The following GALNT13 variants were observed in gnomAD, a reference collection of about 807,000 sequenced individuals.
GALNT13 encodes UDP-GalNAc:polypeptide N-acetylgalactosaminyltransferase 13.
Under a neutral mutation model 64.2 loss-of-function variants are expected in GALNT13, and 28 were observed. The ratio of observed to expected loss-of-function variants is 0.44; its 90% CI spans 0.32 to 0.60. The LOEUF (loss-of-function observed/expected upper bound fraction) is 0.60. Ranked by LOEUF, GALNT13 falls within the 20% of genes least tolerant of loss-of-function variation. GALNT13 has a pLI of 0.05. For missense variants in GALNT13, 577 were observed against 669.8 expected, an observed-to-expected ratio of 0.86 and a Z score of 1.53; for synonymous variants, 214 against 224.6, an observed-to-expected ratio of 0.95 and a Z score of 0.42.
At chr2:154,327,197 TC>T (rs1694921839) in intron 9 of GALNT13, among the ~76,000 whole-genome samples, 1 of 152,076 alleles carries the variant, frequency 6.6e-6, no homozygotes, top group South Asian at 2.1e-4. Context: ...GTTCCTTTGT[TC>T]GGCATTTCTC....
the GALNT13 span, among the ~76,000 whole-genome samples, chr2:153,434,580 G>T: frequency 6.6e-6 from 1 of 152,300 alleles, no homozygotes; most frequent in Admixed American, 6.5e-5. Context: ...CTGATGGCCA[G>T]TGATGATGAG....
chr2:153,601,652 A>G, the GALNT13 span, among the ~76,000 whole-genome samples: 1 of 151,738 alleles, frequency 6.6e-6, no homozygotes, highest in Non-Finnish European at 1.5e-5. Flanking sequence ...CATATTGTAC[A>G]ATAGGACCGC....
At chr2:153,250,046 T>C in the GALNT13 span, among the ~76,000 whole-genome samples, 1 of 152,218 alleles carries the variant, frequency 6.6e-6, no homozygotes, top group African/African-American at 2.4e-5. Flanking sequence ...TGGGATCTAA[T>C]TAAGCTAAAG....
the GALNT13 span, among the ~76,000 whole-genome samples, chr2:153,182,414 A>T: frequency 6.6e-6 from 1 of 152,192 alleles, no homozygotes; most frequent in East Asian, 1.9e-4. Flanking sequence ...ATTTTCACAG[A>T]TATGAACCAA....
intron 4 of GALNT13, among the ~76,000 whole-genome samples, chr2:154,147,205 A>G (rs1488798445): frequency 1.3e-5 from 2 of 151,792 alleles, no homozygotes; most frequent in Admixed American, 6.6e-5. Flanking sequence ...CCACCATTCT[A>G]TGTTCTGACT....
At chr2:153,565,954 G>C in the GALNT13 span, among the ~76,000 whole-genome samples, 3 of 152,042 alleles carry the variant, frequency 2.0e-5, no homozygotes, top group South Asian at 6.2e-4. Flanking sequence ...AAAATGTGTA[G>C]TGAAATAAAT....
chr2:154,065,143 G>C (rs542062747), intron 3 of GALNT13, among the ~76,000 whole-genome samples: 8 of 152,234 alleles, frequency 5.3e-5, no homozygotes, highest in South Asian at 4.1e-4. Flanking sequence ...AGACTACTTT[G>C]CTTGTTGAAA....
intron 9 of GALNT13, among the ~76,000 whole-genome samples, chr2:154,390,508 C>T (rs991557255): frequency 6.6e-6 from 1 of 152,156 alleles, no homozygotes; most frequent in Non-Finnish European, 1.5e-5. Context: ...TATTAGTTTG[C>T]TAAGGATAAT....
At chr2:153,275,273 AC>A in the GALNT13 span, among the ~76,000 whole-genome samples, 1 of 152,176 alleles carries the variant, frequency 6.6e-6, no homozygotes, top group Non-Finnish European at 1.5e-5. Flanking sequence ...TTTAATTTTA[AC>A]AATATGTTTT....
At chr2:153,192,683 G>T in the GALNT13 span, among the ~76,000 whole-genome samples, 1 of 152,116 alleles carries the variant, frequency 6.6e-6, no homozygotes, top group Admixed American at 6.6e-5. Flanking sequence ...CTCCAGTGAT[G>T]AGTGCATTTA....
At chr2:153,728,342 C>A in the GALNT13 span, among the ~76,000 whole-genome samples, 1 of 152,196 alleles carries the variant, frequency 6.6e-6, no homozygotes, top group Non-Finnish European at 1.5e-5. Flanking sequence ...AATGGTTGAA[C>A]TAATTTACAC....
chr2:153,669,792 C>G, the GALNT13 span, among the ~76,000 whole-genome samples: 2 of 152,158 alleles, frequency 1.3e-5, no homozygotes, highest in African/African-American at 4.8e-5. Flanking sequence ...GTGACCGTAC[C>G]TGGAGGAATG....
intron 11 of GALNT13, among the ~76,000 whole-genome samples, chr2:154,420,448 C>T (rs923848811): frequency 1.3e-5 from 2 of 152,074 alleles, no homozygotes; most frequent in Non-Finnish European, 2.9e-5. Flanking sequence ...TCCACCTTGT[C>T]TTCAAATAGT....
At chr2:153,491,353 T>C in the GALNT13 span, among the ~76,000 whole-genome samples, 1 of 152,076 alleles carries the variant, frequency 6.6e-6, no homozygotes, top group African/African-American at 2.4e-5. Flanking sequence ...GCTAATAACG[T>C]ACCACATTCC....
At chr2:154,020,816 G>A (rs1052379148) in intron 3 of GALNT13, among the ~76,000 whole-genome samples, 33 of 151,930 alleles carry the variant, frequency 2.2e-4, no homozygotes, top group Non-Finnish European at 4.6e-4. Context: ...TTTTCTTCTA[G>A]GGTTTTTATG....
the GALNT13 span, among the ~76,000 whole-genome samples, chr2:153,354,672 C>T: frequency 5.3e-5 from 8 of 152,296 alleles, no homozygotes; most frequent in South Asian, 1.7e-3. Context: ...TTTACCATCT[C>T]CCTGCCCCAG....
the GALNT13 span, among the ~76,000 whole-genome samples, chr2:153,776,974 G>A: frequency 2.3e-3 from 353 of 152,254 alleles, 1 homozygote; most frequent in African/African-American, 7.3e-3. Flanking sequence ...ACCATTTCTT[G>A]TCTTTTAAGG....
chr2:154,219,339 A>G (rs942520486), intron 4 of GALNT13, among the ~76,000 whole-genome samples: 13 of 152,018 alleles, frequency 8.6e-5, no homozygotes, highest in African/African-American at 3.1e-4. Context: ...AAGTCACTTT[A>G]CCAATCTTCT....
the GALNT13 span, among the ~76,000 whole-genome samples, chr2:153,559,512 G>C: frequency 6.6e-6 from 1 of 152,018 alleles, no homozygotes; most frequent in Admixed American, 6.6e-5. Flanking sequence ...GAGAGGACTG[G>C]ACTGATATCC....
Sources: allele counts gnomAD v4.1 joint callset (sites outside exome capture counted in the v4.1 genomes callset), GRCh38; gene constraint gnomAD v4.1.1; transcripts MANE v1.5; gene names NCBI Gene and HGNC (gene_info 2026-07-23, HGNC 2026-07-21).